Variants in DCC observed in about 807,000 individuals in gnomAD.
DCC encodes netrin receptor DCC.
Under a neutral mutation model 172.5 loss-of-function variants are expected in DCC, and 58 were observed. That is an observed-to-expected ratio of 0.34 (90% CI 0.27 to 0.42). The LOEUF (loss-of-function observed/expected upper bound fraction) is 0.42. Ranked by LOEUF, DCC falls within the 10% of genes least tolerant of loss-of-function variation. The pLI, the probability that DCC is intolerant of heterozygous loss-of-function variation, is 1.00. For missense variants in DCC, 1,740 were observed against 1,791.0 expected, an observed-to-expected ratio of 0.97 and a Z score of 0.51; for synonymous variants, 709 against 644.5, an observed-to-expected ratio of 1.10 and a Z score of -1.52.
intron 17 of DCC, among the ~76,000 whole-genome samples, chr18:53,392,476 T>C (rs1307912712): frequency 1.3e-5 from 2 of 152,294 alleles, no homozygotes; most frequent in African/African-American, 2.4e-5. Flanking sequence ...CTTGTCCTTA[T>C]CACAGAGTTA....
At chr18:52,732,169 C>T (rs2036652501) in intron 1 of DCC, among the ~76,000 whole-genome samples, 2 of 152,074 alleles carry the variant, frequency 1.3e-5, no homozygotes, top group South Asian at 2.1e-4. Context: ...CTGACTCCTC[C>T]CATACATACC....
At chr18:53,349,649 G>A (rs1425111343) in intron 15 of DCC, among the ~76,000 whole-genome samples, 1 of 152,212 alleles carries the variant, frequency 6.6e-6, no homozygotes, top group Non-Finnish European at 1.5e-5. Flanking sequence ...ATAGCTGAAG[G>A]CAAGGAAGAG....
At chr18:52,439,532 C>T (rs1041626432) in intron 1 of DCC, among the ~76,000 whole-genome samples, 12 of 152,180 alleles carry the variant, frequency 7.9e-5, no homozygotes, top group Middle Eastern at 3.4e-3. Flanking sequence ...GATACTGAAG[C>T]GCCCTGTTAA....
chr18:53,313,021 G>GAAGGGAAGAAGGAGGA (rs750908276), intron 13 of DCC, among the ~76,000 whole-genome samples: 27,475 of 70,542 alleles, frequency 0.39, 5,696 homozygotes, highest in East Asian at 0.6. Flanking sequence ...AGGAAGAAAG[G>GAAGGGAAGAAGGAGGA]AAGGGAAGAA....
rs1256987575 is a variant in DCC, at chr18:53,489,067, A to G, written c.3898+2109A>G. 2.1e-5 allele frequency among the ~76,000 whole-genome samples: 3 copies of G among 142,622 alleles called. No individual in the cohort carries two copies. The East Asian group carries it at 5.9e-4, about 28-fold the overall frequency. The allele number at this position is 142,622 out of a possible 152,430, so 93.6% of individuals were successfully genotyped here. On this transcript the variant is annotated intron_variant, in intron 26 of 28. Coordinates refer to ENST00000442544, the MANE Select transcript of DCC (RefSeq NM_005215.4). ...CCAGCTACTCAGGAGGCTGAGGCAG[A>G]AAAAAAAAAAAGAAATTAATTGATT...
At chr18:52,622,777 C>T (rs2034504052) in intron 1 of DCC, among the ~76,000 whole-genome samples, 1 of 152,078 alleles carries the variant, frequency 6.6e-6, no homozygotes, top group Admixed American at 6.6e-5. Flanking sequence ...CAGAACCTTC[C>T]CTTTCTTTCC....
At chr18:53,289,912 A>G (rs1350161828) in intron 12 of DCC, among the ~76,000 whole-genome samples, 1 of 152,188 alleles carries the variant, frequency 6.6e-6, no homozygotes, top group African/African-American at 2.4e-5. Context: ...TCTTTTTCAG[A>G]AAATGGGAAT....
intron 5 of DCC, among the ~76,000 whole-genome samples, chr18:53,022,672 G>A (rs1342028347): frequency 6.6e-6 from 1 of 151,778 alleles, no homozygotes; most frequent in Admixed American, 6.6e-5. Context: ...TCACTAGTAT[G>A]CAGATTATTT....
At chr18:52,355,390 A>G (rs1166731670) in intron 1 of DCC, among the ~76,000 whole-genome samples, 2 of 152,154 alleles carry the variant, frequency 1.3e-5, no homozygotes, top group African/African-American at 2.4e-5. Flanking sequence ...CATGAAACAT[A>G]TTATGTACAC....
intron 5 of DCC, among the ~76,000 whole-genome samples, chr18:52,985,668 CT>C (rs533173866): frequency 2.1e-4 from 31 of 151,008 alleles, no homozygotes; most frequent in Middle Eastern, 3.4e-3. Context: ...TTTACTATGT[CT>C]TTTTTTTTCC....
intron 21 of DCC, among the ~76,000 whole-genome samples, chr18:53,426,283 CATATTTATAATAT>C (rs965348680): frequency 5.8e-4 from 77 of 132,496 alleles, no homozygotes; most frequent in African/African-American, 1.8e-3. Flanking sequence ...TTATATATTA[CATATTTATAATAT>C]ATATTTATAA....
At chr18:52,357,098 T>C (rs940863421) in intron 1 of DCC, among the ~76,000 whole-genome samples, 7 of 152,198 alleles carry the variant, frequency 4.6e-5, no homozygotes, top group African/African-American at 1.4e-4. Flanking sequence ...GCTTAACCCA[T>C]GTACTCACCA....
chr18:53,334,375 T>C, intron 14 of DCC, among the ~76,000 whole-genome samples: 1 of 152,214 alleles, frequency 6.6e-6, no homozygotes, highest in East Asian at 1.9e-4. Flanking sequence ...TGTAAGTGAC[T>C]CACTCTTTTT....
chr18:52,719,111 T>C (rs56919144), intron 1 of DCC, among the ~76,000 whole-genome samples: 6,912 of 152,170 alleles, frequency 0.045, 221 homozygotes, highest in South Asian at 0.13. Context: ...TGTGGCCTTC[T>C]TCCCTGCATG....
At chr18:52,658,442 C>T (rs1049024941) in intron 1 of DCC, among the ~76,000 whole-genome samples, 15 of 152,068 alleles carry the variant, frequency 9.9e-5, no homozygotes, top group African/African-American at 3.6e-4. Context: ...ACCCTGGGCA[C>T]ATTATGGGCC....
At chr18:53,229,163 T>A (rs554543784) in intron 12 of DCC, among the ~76,000 whole-genome samples, 1 of 152,230 alleles carries the variant, frequency 6.6e-6, no homozygotes, top group South Asian at 2.1e-4. Context: ...AAATAAAAGG[T>A]TTCCACACTT....
chr18:52,899,436 T>A (rs8086509), intron 2 of DCC, among the ~76,000 whole-genome samples: 1 of 148,342 alleles, frequency 6.7e-6, no homozygotes, highest in Non-Finnish European at 1.5e-5. Context: ...TCACAGCAAC[T>A]TCCACCTCCT....
chr18:53,105,127 T>A (rs544431125), intron 7 of DCC, among the ~76,000 whole-genome samples: 4 of 152,164 alleles, frequency 2.6e-5, no homozygotes, highest in Middle Eastern at 3.4e-3. Flanking sequence ...TTTCTAGATC[T>A]TGGAAAAACA....
chr18:53,397,954 A>T (rs565358147), intron 18 of DCC, among the ~76,000 whole-genome samples: 77 of 147,994 alleles, frequency 5.2e-4, no homozygotes, highest in Non-Finnish European at 1.0e-3. Context: ...ATGGGGTAAC[A>T]TAATAGAAGA....
Sources: gnomAD v4.1 joint callset for allele counts (sites outside exome capture counted in the v4.1 genomes callset) on GRCh38, gnomAD v4.1.1 for gene constraint, MANE v1.5 for transcripts, NCBI Gene and HGNC (gene_info 2026-07-23, HGNC 2026-07-21) for gene names.